WASF3: variants seen among roughly 807,000 people sequenced by gnomAD.
WASF3 encodes actin-binding protein WASF3.
In WASF3, 11 loss-of-function variants were observed where a neutral mutation model predicts 46.6. The ratio of observed to expected loss-of-function variants is 0.24; its 90% CI spans 0.15 to 0.39. The LOEUF is 0.39. Among genes scored for constraint, WASF3 ranks in the 10% least tolerant of loss-of-function variants. WASF3 has a pLI of 1.00. For synonymous variants in WASF3, 242 were observed against 259.7 expected (o/e 0.93, Z 0.65); for missense variants, 576 against 669.8 (o/e 0.86, Z 1.55).
chr13:26,610,985 C>G (rs796967348), intron 1 of WASF3, among the ~76,000 whole-genome samples: 3 of 150,694 alleles, frequency 2.0e-5, no homozygotes, highest in African/African-American at 7.3e-5. Flanking sequence ...GGCATGTGTC[C>G]GTGCCCAAAA....
chr13:26,659,750 G>A (rs139972018), intron 3 of WASF3, among the ~76,000 whole-genome samples: 54 of 152,290 alleles, frequency 3.5e-4, no homozygotes, highest in African/African-American at 1.1e-3. Context: ...AGCCAGTGTG[G>A]AGTGTGAGTG....
chr13:26,557,499 G>A (rs1049654960), upstream of WASF3, among the ~76,000 whole-genome samples: 1 of 136,672 alleles, frequency 7.3e-6, no homozygotes. Flanking sequence ...GAGAGCCACC[G>A]CCTCCGCAAT....
chr13:26,643,125 C>T (rs2137413153), intron 3 of WASF3, among the ~76,000 whole-genome samples: 1 of 152,208 alleles, frequency 6.6e-6, no homozygotes, highest in South Asian at 2.1e-4. Flanking sequence ...ATGCTTTTTC[C>T]TTCAAAGCTT....
intron 6 of WASF3, 49 bp from the exon 7 acceptor site, chr13:26,676,500 T>C: frequency 1.3e-6 from 2 of 1,588,276 alleles, no homozygotes; most frequent in Non-Finnish European, 1.7e-6. Flanking sequence ...CCAGCTGTTT[T>C]CCTTTCCCTT....
At position 26,557,720 on chromosome 13, in the gene WASF3, G is replaced by A; in HGVS notation, c.-208G>A. On this transcript the variant is annotated 5_prime_UTR_variant, in exon 1 of 10. It adds an upstream start codon to the 5' untranslated region. Coordinates refer to ENST00000335327, the MANE Select transcript of WASF3 (RefSeq NM_006646.6). ...GAGGCGGCGTCGCTCGCGCCGCTGC[G>A]TGCGGTGTGGTGCGAGGCGGGTGCG... 1 of 188,220 alleles carries A rather than the reference G, an allele frequency of 5.3e-6. No individual in the cohort carries two copies. Among genetic ancestry groups the A allele is most frequent in the Non-Finnish European group, 1.1e-5 (1 of 93,104 alleles). 11.7% of individuals were successfully genotyped at this position (188,220 alleles called of 1,614,324 possible). A position where few individuals can be genotyped will look rare whatever the true frequency, so the allele number is the denominator to read the frequency against.
intron 9 of WASF3, 59 bp from the exon 10 acceptor site, chr13:26,685,629 T>C: frequency 6.3e-7 from 1 of 1,589,098 alleles, no homozygotes; most frequent in Non-Finnish European, 8.6e-7. Context: ...TTTGTTCGTT[T>C]ATCTTTAATT....
the WASF3 span, among the ~76,000 whole-genome samples, chr13:26,540,868 TAGTA>T: frequency 6.6e-6 from 1 of 152,130 alleles, no homozygotes; most frequent in African/African-American, 2.4e-5. Flanking sequence ...TTGGTTGACA[TAGTA>T]AGATGTTTGT....
intron 2 of WASF3, among the ~76,000 whole-genome samples, chr13:26,632,303 T>TG (rs1442764563): frequency 6.6e-6 from 1 of 152,194 alleles, no homozygotes; most frequent in African/African-American, 2.4e-5. Flanking sequence ...ATATTGGCTG[T>TG]GGGTTTGTCA....
chr13:26,574,843 T>C (rs1355652627), intron 1 of WASF3, among the ~76,000 whole-genome samples: 1 of 151,082 alleles, frequency 6.6e-6, no homozygotes, highest in African/African-American at 2.4e-5. Context: ...ACCCCTTCTT[T>C]TTTTTTTTTT....
intron 3 of WASF3, among the ~76,000 whole-genome samples, chr13:26,646,498 C>A (rs1882154438): frequency 6.6e-6 from 1 of 152,088 alleles, no homozygotes; most frequent in Admixed American, 6.5e-5. Flanking sequence ...CATCTTAATC[C>A]TCCCCACTTC....
intron 7 of WASF3, among the ~76,000 whole-genome samples, chr13:26,677,335 G>A (rs1357353341): frequency 1.3e-5 from 2 of 152,214 alleles, no homozygotes; most frequent in African/African-American, 4.8e-5. Flanking sequence ...TGTCACCAAA[G>A]GCATTCATTG....
intron 3 of WASF3, among the ~76,000 whole-genome samples, chr13:26,646,057 T>C (rs1882141562): frequency 6.6e-6 from 1 of 152,228 alleles, no homozygotes; most frequent in African/African-American, 2.4e-5. Context: ...TTTATAATTT[T>C]AAAAATAATT....
chr13:26,668,291 C>G (rs1882830397), intron 5 of WASF3, among the ~76,000 whole-genome samples: 1 of 152,240 alleles, frequency 6.6e-6, no homozygotes, highest in Non-Finnish European at 1.5e-5. Flanking sequence ...TGCCTTCTCC[C>G]AGCTCAGCAC....
intron 5 of WASF3, among the ~76,000 whole-genome samples, chr13:26,668,949 C>T (rs1882848674): frequency 6.6e-6 from 1 of 152,166 alleles, no homozygotes; most frequent in African/African-American, 2.4e-5. Context: ...AGCAGTGAAG[C>T]CTCAAACACA....
chr13:26,676,851 C>T, intron 7 of WASF3, 127 bp downstream of exon 7: 1 of 900,634 alleles, frequency 1.1e-6, no homozygotes, highest in Non-Finnish European at 1.6e-6. Flanking sequence ...TAAGATTTTC[C>T]TTAAAAATTG....
intron 3 of WASF3, among the ~76,000 whole-genome samples, chr13:26,642,840 G>A (rs918461446): frequency 6.6e-6 from 1 of 152,080 alleles, no homozygotes; most frequent in Non-Finnish European, 1.5e-5. Flanking sequence ...ATAAATATCT[G>A]TTGATTGAAT....
chr13:26,638,237 T>C (rs1274671239), intron 2 of WASF3: 3 of 152,228 alleles, frequency 2.0e-5, no homozygotes, highest in Non-Finnish European at 4.4e-5. Flanking sequence ...ATTTCCATAG[T>C]TGAAGACAGC....
chr13:26,646,444 G>C (rs1882153081), intron 3 of WASF3, among the ~76,000 whole-genome samples: 1 of 151,976 alleles, frequency 6.6e-6, no homozygotes, highest in Admixed American at 6.6e-5. Flanking sequence ...ATTCCTTTGG[G>C]TACTTACCCG....
chr13:26,570,183 G>GA (rs2137152202), intron 1 of WASF3, among the ~76,000 whole-genome samples: 1 of 152,268 alleles, frequency 6.6e-6, no homozygotes, highest in South Asian at 2.1e-4. Flanking sequence ...AGCTACGTGG[G>GA]AGGCTGAGGC....
Sources: gnomAD v4.1 joint callset for allele counts (sites outside exome capture counted in the v4.1 genomes callset) on GRCh38, gnomAD v4.1.1 for gene constraint, MANE v1.5 for transcripts, NCBI Gene and HGNC (gene_info 2026-07-23, HGNC 2026-07-21) for gene names.